LNPEP: variants seen among roughly 807,000 people sequenced by gnomAD.
LNPEP encodes leucyl-cystinyl aminopeptidase.
A neutral mutation model predicts 120.6 loss-of-function variants in LNPEP; 64 were observed. The ratio of observed to expected loss-of-function variants is 0.53; its 90% CI spans 0.43 to 0.65. The LOEUF (loss-of-function observed/expected upper bound fraction) is 0.65. Among genes scored for constraint, LNPEP ranks in the 30% least tolerant of loss-of-function variants. The probability of loss-of-function intolerance (pLI) is 0.00; values close to 1 mark genes in which losing one functional copy is unlikely to be tolerated. For missense variants in LNPEP, 1,057 were observed against 1,200.0 expected (o/e 0.88, Z 1.76); for synonymous variants, 435 against 425.4 (o/e 1.02, Z -0.28).
intron 13 of LNPEP, among the ~76,000 whole-genome samples, chr5:97,020,003 C>A (rs1791153506): frequency 6.6e-6 from 1 of 152,188 alleles, no homozygotes; most frequent in Non-Finnish European, 1.5e-5. Context: ...CCCAGTGACT[C>A]AAAAGCTTTA....
intron 13 of LNPEP, among the ~76,000 whole-genome samples, chr5:97,016,702 C>T (rs1323284635): frequency 1.3e-5 from 2 of 152,206 alleles, no homozygotes; most frequent in East Asian, 3.9e-4. Flanking sequence ...TAGTTGTTCT[C>T]CTAAAAATGA....
chr5:96,954,713 CATATATATACAT>C lies in LNPEP; in HGVS notation c.19+18563_19+18574del, dbSNP rs1418659786. Among the ~76,000 whole-genome samples, 9 of 57,006 alleles carry C rather than the reference CATATATATACAT, an allele frequency of 1.6e-4. 2 individuals are homozygous for C. Among genetic ancestry groups the C allele is most frequent in the African/African-American group, 3.3e-4 (4 of 12,102 alleles). The allele number at this position is 57,006 out of a possible 152,430, so 37.4% of individuals were successfully genotyped here. On this transcript the variant is annotated intron_variant, in intron 1 of 17. Coordinates refer to ENST00000231368, the MANE Select transcript of LNPEP (RefSeq NM_005575.3). ...ATATACACATATATACATATATACA[CATATATATACAT>C]ATATATATACATATATATATACACA...
chr5:96,968,868 C>T (rs1789792238), intron 1 of LNPEP, among the ~76,000 whole-genome samples: 1 of 151,992 alleles, frequency 6.6e-6, no homozygotes, highest in Admixed American at 6.6e-5. Flanking sequence ...AGAGCAGGCA[C>T]TGTGCGTGGT....
rs545296568 is a variant in LNPEP, at chr5:97,006,661, T to C, written c.2035+146T>C. 9.8e-6 allele frequency: 6 copies of C among 613,550 alleles called. No individual in the cohort carries two copies. In the East Asian group the frequency reaches 1.9e-4, roughly 19 times the overall value. The allele number at this position is 613,550 out of a possible 1,614,324, so 38.0% of individuals were successfully genotyped here. A position where few individuals can be genotyped will look rare whatever the true frequency, so the allele number is the denominator to read the frequency against. ...TATGCAAGATGTGACTAATGTGAGA[T>C]TGATTCTGTATATCATGCACAAAAC... On this transcript the variant is annotated intron_variant, in intron 11 of 17. Transcript: ENST00000231368.
intron 8 of LNPEP, among the ~76,000 whole-genome samples, chr5:97,000,968 G>A (rs1790637119): frequency 1.3e-5 from 2 of 152,162 alleles, no homozygotes; most frequent in South Asian, 4.1e-4. Context: ...AGTAAGCAGA[G>A]GAGAAAGTAG....
intron 1 of LNPEP, among the ~76,000 whole-genome samples, chr5:96,957,049 C>A (rs554253285): frequency 6.6e-6 from 1 of 152,114 alleles, no homozygotes; most frequent in South Asian, 2.1e-4. Flanking sequence ...TCAATATGTT[C>A]TTCTTTACCT....
chr5:97,004,126 C>T (rs1007447219), intron 9 of LNPEP, among the ~76,000 whole-genome samples: 2 of 152,158 alleles, frequency 1.3e-5, no homozygotes, highest in Admixed American at 1.3e-4. Flanking sequence ...CACATGAACC[C>T]GGGCTGCTTC....
Position 97,023,816 on chromosome 5 carries a change from A to G in LNPEP, c.2562-705A>G, listed in dbSNP as rs1791272451. Among the ~76,000 whole-genome samples the G allele has an allele frequency of 2.0e-5, 3 of 152,198 alleles. No individual in the cohort carries two copies. The South Asian group carries it at 6.2e-4, about 32-fold the overall frequency. ...TTGAGGAACTGCCATATTGTTTTCT[A>G]CAGCAGCTGCACCATCATTCCAATT... On this transcript the variant is annotated intron_variant, in intron 14 of 17. Transcript: ENST00000231368.
intron 9 of LNPEP, among the ~76,000 whole-genome samples, chr5:97,005,087 C>A (rs1487668936): frequency 5.3e-5 from 8 of 152,066 alleles, no homozygotes; most frequent in African/African-American, 1.9e-4. Context: ...TCTTCTAATC[C>A]TCTGGTTCAG....
chr5:96,999,371 A>T (rs1790591698), intron 8 of LNPEP, among the ~76,000 whole-genome samples: 1 of 152,188 alleles, frequency 6.6e-6, no homozygotes, highest in Non-Finnish European at 1.5e-5. Flanking sequence ...AGTATTAGTG[A>T]CAGGGTAAGG....
At position 97,035,234 on chromosome 5, in the gene LNPEP, G is replaced by C. The variant is rs371617752; in HGVS notation, c.*6701G>C. 3.3e-5 allele frequency: 5 copies of C among 152,174 alleles called. No individual in the cohort carries two copies. The highest frequency in any genetic ancestry group is 5.9e-5 in the Non-Finnish European group (4 of 67,978). The allele number at this position is 152,174 out of a possible 1,614,324, so 9.4% of individuals were successfully genotyped here. On this transcript the variant is annotated 3_prime_UTR_variant, in exon 18 of 18. Transcript: ENST00000231368. ...AAGGACAGTGTCTATACTTTTTAAAGATGTATATAAATGTTTCATGTTATT... is the reference window on the plus strand; with the variant it reads ...AAGGACAGTGTCTATACTTTTTAAACATGTATATAAATGTTTCATGTTATT...
intron 9 of LNPEP, among the ~76,000 whole-genome samples, chr5:97,004,966 C>G (rs373814819): frequency 2.4e-4 from 36 of 152,278 alleles, no homozygotes; most frequent in African/African-American, 7.2e-4. Flanking sequence ...CAAACTAGTT[C>G]CTAACATTAT....
intron 2 of LNPEP, among the ~76,000 whole-genome samples, chr5:96,980,690 G>A (rs1449543700): frequency 6.6e-6 from 1 of 152,162 alleles, no homozygotes; most frequent in Non-Finnish European, 1.5e-5. Context: ...AGTGATATCA[G>A]TTGTCTTGTG....
intron 1 of LNPEP, among the ~76,000 whole-genome samples, chr5:96,968,541 C>T (rs558199031): frequency 1.4e-4 from 21 of 151,992 alleles, no homozygotes; most frequent in African/African-American, 4.1e-4. Flanking sequence ...TTCTTATAAC[C>T]TTTTTGTCTT....
At chr5:97,006,631 T>A (rs1378421860) in intron 11 of LNPEP, 116 bp downstream of exon 11, 1 of 661,144 alleles carries the variant, frequency 1.5e-6, no homozygotes, top group Non-Finnish European at 2.7e-6. Flanking sequence ...GTTTTATGAG[T>A]TGCATATGCA....
At chr5:97,010,546 G>T (rs1417878134) in intron 11 of LNPEP, 1 of 985,052 alleles carries the variant, frequency 1.0e-6, no homozygotes, top group Non-Finnish European at 1.2e-6. Context: ...AACTGTACAG[G>T]AAATTTTGTA....
At chr5:97,021,862 G>A (rs1341855248) in intron 13 of LNPEP, among the ~76,000 whole-genome samples, 1 of 147,994 alleles carries the variant, frequency 6.8e-6, no homozygotes, top group East Asian at 2.0e-4. Context: ...TTTCCTCATT[G>A]GATAAATGTT....
intron 11 of LNPEP, chr5:97,010,175 C>G: frequency 1.6e-6 from 1 of 643,694 alleles, no homozygotes; most frequent in East Asian, 1.4e-4. Flanking sequence ...TTTAAAGTTT[C>G]CCTCTTCCCT....
chr5:96,958,362 T>G (rs768205555), intron 1 of LNPEP: 36 of 470,100 alleles, frequency 7.7e-5, no homozygotes, highest in Admixed American at 1.9e-4. Context: ...CTTCTCAGAA[T>G]TGCTTTCTTC....
Sources: allele counts gnomAD v4.1 joint callset (sites outside exome capture counted in the v4.1 genomes callset), GRCh38; gene constraint gnomAD v4.1.1; transcripts MANE v1.5; gene names NCBI Gene and HGNC (gene_info 2026-07-23, HGNC 2026-07-21).